Variants in PYHIN1 observed in about 807,000 individuals in gnomAD.
The protein encoded by PYHIN1 is pyrin and HIN domain family member 1.
Under a neutral mutation model 43.7 loss-of-function variants are expected in PYHIN1, and 32 were observed. The ratio of observed to expected loss-of-function variants is 0.73; its 90% confidence interval spans 0.55 to 0.98. The LOEUF (loss-of-function observed/expected upper bound fraction) is 0.98, where lower values mean the gene tolerates loss of function less well. PYHIN1 is among the 50% of genes least tolerant of loss of function. PYHIN1 has a pLI of 0.00. For missense variants in PYHIN1, 588 were observed against 589.5 expected (o/e 1.00, Z 0.03); for synonymous variants, 205 against 203.1 (o/e 1.01, Z -0.08).
At chr1:158,953,423 C>A (rs1649703485) in intron 7 of PYHIN1, among the ~76,000 whole-genome samples, 1 of 150,808 alleles carries the variant, frequency 6.6e-6, no homozygotes, top group Non-Finnish European at 1.5e-5. Context: ...CAGACTGCCT[C>A]CTCAAGGGGG....
At chr1:158,974,450 G>A (rs373673839) in intron 8 of PYHIN1, among the ~76,000 whole-genome samples, 2 of 152,038 alleles carry the variant, frequency 1.3e-5, no homozygotes, top group Admixed American at 1.3e-4. Context: ...ATCAGACAAA[G>A]GTGAACTAAT....
At chr1:158,989,636 C>T in the PYHIN1 span, among the ~76,000 whole-genome samples, 2 of 152,150 alleles carry the variant, frequency 1.3e-5, no homozygotes, top group Non-Finnish European at 2.9e-5. Context: ...AGATTTCTGG[C>T]AAACCACCAA....
chr1:158,935,697 A>G (rs542172554), intron 1 of PYHIN1, among the ~76,000 whole-genome samples: 27 of 152,248 alleles, frequency 1.8e-4, no homozygotes, highest in African/African-American at 6.5e-4. Context: ...TGCGGCAGAA[A>G]GTTATTCATA....
intron 7 of PYHIN1, among the ~76,000 whole-genome samples, chr1:158,957,958 C>A (rs1650055820): frequency 6.6e-6 from 1 of 152,084 alleles, no homozygotes; most frequent in Admixed American, 6.6e-5. Context: ...CATGAACAGA[C>A]ACTTCTCAAA....
chr1:158,954,532 A>G (rs989133843), intron 7 of PYHIN1, among the ~76,000 whole-genome samples: 2 of 152,004 alleles, frequency 1.3e-5, no homozygotes, highest in Non-Finnish European at 2.9e-5. Flanking sequence ...AATAAAATAC[A>G]TTACAGACAA....
At chr1:158,968,475 AACACTTATATACTGCCAGTGGGAGTGTT>A (rs1272749956) in intron 7 of PYHIN1, among the ~76,000 whole-genome samples, 1 of 152,142 alleles carries the variant, frequency 6.6e-6, no homozygotes, top group East Asian at 1.9e-4. Flanking sequence ...GAGAAAAGGG[AACACTTATATACTGCCAGTGGGAGTGTT>A]AATTAGTTCA....
intron 5 of PYHIN1, among the ~76,000 whole-genome samples, chr1:158,943,433 C>A (rs946787381): frequency 1.3e-5 from 2 of 152,012 alleles, no homozygotes; most frequent in African/African-American, 4.8e-5. Flanking sequence ...TGACAGATGC[C>A]CATTCTTTTT....
At chr1:158,961,958 T>G (rs1445697653) in intron 7 of PYHIN1, among the ~76,000 whole-genome samples, 1 of 152,006 alleles carries the variant, frequency 6.6e-6, no homozygotes, top group African/African-American at 2.4e-5. Context: ...CAGGATAAAG[T>G]CCACTAGCCT....
intron 4 of PYHIN1, 122 bp downstream of exon 4, chr1:158,939,369 G>A (rs764620997): frequency 2.8e-4 from 448 of 1,601,544 alleles, no homozygotes; most frequent in Non-Finnish European, 3.7e-4. Context: ...TATAGACTGA[G>A]AATTCACTGC....
rs772652242 is a variant in PYHIN1 at position 158,943,876 on chromosome 1, T to C, written c.1089T>C (p.Asn363=). The change falls in exon 6 of 9, where the codon AAT becomes AAC. Residue 363 remains asparagine, a synonymous_variant. Transcript: ENST00000368140. ...TAGTAGGAAAAGGAGAATGCCACAA[T>C]ATCCCCTGTGAAAAAGGAGATAAGC... ...MAVVGKGECH[N]IPCEKGDKLR... 3 of 1,611,188 alleles carry C rather than the reference T, an allele frequency of 1.9e-6. No homozygotes were observed. In the Admixed American group the frequency reaches 5.0e-5, roughly 27 times the overall value.
chr1:158,942,547 G>C, intron 5 of PYHIN1, 148 bp downstream of exon 5: 1 of 621,854 alleles, frequency 1.6e-6, no homozygotes, highest in Non-Finnish European at 2.7e-6. Flanking sequence ...AGTCTTCTTC[G>C]AGGTTAAGAC....
intron 2 of PYHIN1, among the ~76,000 whole-genome samples, chr1:158,937,675 T>A (rs1283419671): frequency 6.6e-6 from 1 of 152,174 alleles, no homozygotes; most frequent in Non-Finnish European, 1.5e-5. Flanking sequence ...AGCCTGGCGC[T>A]GTTGCTCACG....
chr1:158,968,729 T>C (rs920718540), intron 7 of PYHIN1, among the ~76,000 whole-genome samples: 2 of 152,138 alleles, frequency 1.3e-5, no homozygotes, highest in Non-Finnish European at 2.9e-5. Flanking sequence ...ATAAAGAAAG[T>C]GTGGCACATG....
chr1:158,968,346 C>T (rs1411005226), intron 7 of PYHIN1, among the ~76,000 whole-genome samples: 2 of 152,032 alleles, frequency 1.3e-5, no homozygotes, highest in Non-Finnish European at 2.9e-5. Context: ...TGAAAAAATG[C>T]TCAACATCAC....
chr1:158,951,983 C>T (rs796188363), intron 7 of PYHIN1, among the ~76,000 whole-genome samples: 3 of 152,080 alleles, frequency 2.0e-5, no homozygotes, highest in East Asian at 1.9e-4. Context: ...TCTGGGATGT[C>T]GCTTGTATAC....
intron 7 of PYHIN1, among the ~76,000 whole-genome samples, chr1:158,957,448 C>T (rs1266900336): frequency 6.6e-6 from 1 of 151,670 alleles, no homozygotes. Context: ...AGAAATAATG[C>T]CGCATATCTA....
chr1:158,934,087 T>C (rs947476015), intron 1 of PYHIN1, among the ~76,000 whole-genome samples: 1 of 152,156 alleles, frequency 6.6e-6, no homozygotes, highest in African/African-American at 2.4e-5. Context: ...GATGAGAGCA[T>C]TTCTTTTGTA....
chr1:158,945,440 G>A (rs1649170227), intron 7 of PYHIN1: 1 of 154,532 alleles, frequency 6.5e-6, no homozygotes, highest in Non-Finnish European at 1.4e-5. Context: ...AATATTCGAA[G>A]TATATATTTG....
chr1:158,952,610 T>A (rs6674847), intron 7 of PYHIN1, among the ~76,000 whole-genome samples: 1 of 152,022 alleles, frequency 6.6e-6, no homozygotes, highest in East Asian at 1.9e-4. Context: ...AGGTGATGGT[T>A]CCTCCTCCTT....
Sources: allele counts gnomAD v4.1 joint callset (sites outside exome capture counted in the v4.1 genomes callset), GRCh38; gene constraint gnomAD v4.1.1; transcripts MANE v1.5; gene names NCBI Gene and HGNC (gene_info 2026-07-23, HGNC 2026-07-21).